STXBP5L: variants seen among roughly 807,000 people sequenced by gnomAD.
STXBP5L encodes the protein syntaxin-binding protein 5-like.
A neutral mutation model predicts 144.5 loss-of-function variants in STXBP5L; 65 were observed. The observed-to-expected ratio is 0.45, with a 90% CI of 0.37 to 0.55. The LOEUF (loss-of-function observed/expected upper bound fraction) is 0.55. Among genes scored for constraint, STXBP5L ranks in the 20% least tolerant of loss-of-function variants. The pLI, the probability that STXBP5L is intolerant of heterozygous loss-of-function variation, is 0.00. For missense variants in STXBP5L, 1,298 were observed against 1,405.5 expected (o/e 0.92, Z 1.22); for synonymous variants, 505 against 469.6 (o/e 1.08, Z -0.97).
At chr3:120,999,492 A>G (rs918263587) in intron 3 of STXBP5L, among the ~76,000 whole-genome samples, 2 of 152,228 alleles carry the variant, frequency 1.3e-5, no homozygotes, top group Non-Finnish European at 2.9e-5. Flanking sequence ...TCTCTCGAAG[A>G]CAGCGTACAG....
chr3:121,083,683 T>C (rs2042355953), intron 5 of STXBP5L, among the ~76,000 whole-genome samples: 1 of 151,752 alleles, frequency 6.6e-6, no homozygotes, highest in Non-Finnish European at 1.5e-5. Flanking sequence ...AAAAATGGTG[T>C]CAATTATTCT....
intron 22 of STXBP5L, among the ~76,000 whole-genome samples, chr3:121,403,015 T>C (rs1320308008): frequency 6.6e-6 from 1 of 152,090 alleles, no homozygotes; most frequent in Non-Finnish European, 1.5e-5. Flanking sequence ...TTTTCTCTAG[T>C]CTCTTTAAAT....
intron 9 of STXBP5L, among the ~76,000 whole-genome samples, chr3:121,188,019 C>T (rs1795393): frequency 0.49 from 74,374 of 151,938 alleles, 18,659 homozygotes; most frequent in East Asian, 0.73. Context: ...AATGCAGGAG[C>T]ACCCGGATTC....
At chr3:121,111,420 T>C (rs1017504462) in intron 5 of STXBP5L, among the ~76,000 whole-genome samples, 1 of 152,212 alleles carries the variant, frequency 6.6e-6, no homozygotes, top group African/African-American at 2.4e-5. Flanking sequence ...ATGGGGTTTT[T>C]GAGGGGACTT....
rs1010224387 is a variant in STXBP5L at position 120,935,857 on chromosome 3, G to A, written c.190-19083G>A. On this transcript the variant is annotated intron_variant, in intron 2 of 26. Coordinates refer to ENST00000471454, the MANE Select transcript of STXBP5L (RefSeq NM_001308330.2). ...TAATATCCTATGCATATATTTTTTGGTGTTTATCCTATTTGGTGAGCTGAG... is the reference window on the plus strand; with the variant it reads ...TAATATCCTATGCATATATTTTTTGATGTTTATCCTATTTGGTGAGCTGAG... Among the ~76,000 whole-genome samples the A allele has an allele frequency of 3.3e-5, 5 of 151,586 alleles. No homozygotes were observed. The East Asian group carries it at 9.7e-4, about 29-fold the overall frequency.
intron 5 of STXBP5L, among the ~76,000 whole-genome samples, chr3:121,065,508 CATTT>C (rs1402108921): frequency 6.6e-6 from 1 of 152,138 alleles, no homozygotes; most frequent in Non-Finnish European, 1.5e-5. Context: ...ACTTAACACA[CATTT>C]ATTATCTCAT....
chr3:120,977,322 T>A (rs754123234), intron 3 of STXBP5L, among the ~76,000 whole-genome samples: 2 of 152,222 alleles, frequency 1.3e-5, no homozygotes, highest in Non-Finnish European at 2.9e-5. Flanking sequence ...TCCCTTTTGA[T>A]CTTTGTTGGT....
intron 10 of STXBP5L, among the ~76,000 whole-genome samples, chr3:121,215,511 A>G (rs1339115201): frequency 1.3e-5 from 2 of 152,196 alleles, no homozygotes; most frequent in Non-Finnish European, 2.9e-5. Flanking sequence ...TCTTTTCTTT[A>G]ATAGTGTTGA....
In STXBP5L at chr3:121,387,878, G is replaced by T. The variant is rs76257882; in HGVS notation, c.2587+6346G>T. On this transcript the variant is annotated intron_variant, in intron 22 of 26. Transcript: ENST00000471454. ...TCTTTTTGCTTAGGATTGTCTTGGC[G>T]ATGCAGGCTCTTTTTTGGTTCCATA... is the stretch of plus-strand genomic sequence containing the variant. Among the ~76,000 whole-genome samples, 213 of 152,012 alleles carry T rather than the reference G, an allele frequency of 1.4e-3. 1 individual carries two copies. The highest frequency in any genetic ancestry group is 3.4e-3 in the Middle Eastern group (1 of 292).
chr3:121,327,649 T>A (rs913490219), intron 20 of STXBP5L, among the ~76,000 whole-genome samples: 9 of 152,228 alleles, frequency 5.9e-5, no homozygotes, highest in Non-Finnish European at 8.8e-5. Flanking sequence ...GTTTCTTTTT[T>A]TAGTCATATT....
At chr3:121,020,868 A>G (rs143777029) in intron 3 of STXBP5L, among the ~76,000 whole-genome samples, 177 of 151,940 alleles carry the variant, frequency 1.2e-3, no homozygotes, top group Non-Finnish European at 1.9e-3. Flanking sequence ...AAAACCCAAC[A>G]AAGTATTCAG....
At chr3:121,170,937 C>A (rs2046689161) in intron 9 of STXBP5L, among the ~76,000 whole-genome samples, 1 of 152,112 alleles carries the variant, frequency 6.6e-6, no homozygotes, top group Non-Finnish European at 1.5e-5. Context: ...ATGCAAAAAT[C>A]CTCAATAAAA....
intron 3 of STXBP5L, among the ~76,000 whole-genome samples, chr3:120,964,276 A>C (rs1272707177): frequency 2.6e-5 from 4 of 152,046 alleles, no homozygotes; most frequent in African/African-American, 9.7e-5. Flanking sequence ...TATCTCCTTC[A>C]GTTCTGCTCT....
At chr3:121,108,274 C>A (rs546706143) in intron 5 of STXBP5L, among the ~76,000 whole-genome samples, 18 of 152,264 alleles carry the variant, frequency 1.2e-4, no homozygotes, top group African/African-American at 4.3e-4. Flanking sequence ...TGAGAGAGGG[C>A]ATCCTTGTCT....
chr3:121,374,265 C>T (rs2046117829), intron 20 of STXBP5L, among the ~76,000 whole-genome samples: 1 of 152,172 alleles, frequency 6.6e-6, no homozygotes, highest in African/African-American at 2.4e-5. Context: ...AAAGCCAAAG[C>T]CATGTACCCA....
At chr3:121,303,898 G>A (rs898374659) in intron 19 of STXBP5L, among the ~76,000 whole-genome samples, 2 of 151,944 alleles carry the variant, frequency 1.3e-5, no homozygotes, top group Non-Finnish European at 2.9e-5. Context: ...GGAGTGGGGA[G>A]GGATAGCATT....
chr3:121,360,765 G>C (rs114529966), intron 20 of STXBP5L, among the ~76,000 whole-genome samples: 5,422 of 152,108 alleles, frequency 0.036, 145 homozygotes, highest in Middle Eastern at 0.082. Flanking sequence ...AAAAGTTGTA[G>C]TTATTATTTT....
intron 3 of STXBP5L, among the ~76,000 whole-genome samples, chr3:121,024,709 G>C (rs1576693572): frequency 6.6e-6 from 1 of 152,086 alleles, no homozygotes; most frequent in Non-Finnish European, 1.5e-5. Flanking sequence ...ACGTTAAGAG[G>C]TTGGAGAAAA....
chr3:121,389,974 T>C lies in STXBP5L; in HGVS notation c.2587+8442T>C, dbSNP rs1231872858. Among the ~76,000 whole-genome samples the C allele has an allele frequency of 2.0e-5, 3 of 152,224 alleles. No individual in the cohort carries two copies. In the East Asian group the frequency reaches 5.8e-4, roughly 29 times the overall value. On this transcript the variant is annotated intron_variant, in intron 22 of 26. Coordinates refer to ENST00000471454, the MANE Select transcript of STXBP5L (RefSeq NM_001308330.2). ...TTCTGTCTCGTGGATCTGTCTAATG[T>C]TGACAGTGGGGTGTTAAAGTCTCCC... is the stretch of plus-strand genomic sequence containing the variant.
Sources: gnomAD v4.1 joint callset for allele counts (sites outside exome capture counted in the v4.1 genomes callset) on GRCh38, gnomAD v4.1.1 for gene constraint, MANE v1.5 for transcripts, NCBI Gene and HGNC (gene_info 2026-07-23, HGNC 2026-07-21) for gene names.